Variants in NKAIN3 observed in about 807,000 individuals in gnomAD.
The protein encoded by NKAIN3 is sodium/potassium-transporting ATPase subunit beta-1-interacting protein 3.
Under a neutral mutation model 30.2 loss-of-function variants are expected in NKAIN3, and 25 were observed. That is an observed-to-expected ratio of 0.83 (90% CI 0.60 to 1.16). NKAIN3 has a LOEUF of 1.16. Ranked by LOEUF, NKAIN3 falls within the 50% of genes most tolerant of loss-of-function variation. NKAIN3 has a pLI of 0.00. For synonymous variants in NKAIN3, 91 were observed against 89.6 expected, an observed-to-expected ratio of 1.02 and a Z score of -0.09; for missense variants, 225 against 254.1, an observed-to-expected ratio of 0.89 and a Z score of 0.78.
intron 1 of NKAIN3, among the ~76,000 whole-genome samples, chr8:62,489,110 G>GCCTCA (rs1284153218): frequency 1.3e-4 from 20 of 151,880 alleles, no homozygotes; most frequent in Non-Finnish European, 2.6e-4. Flanking sequence ...CCTGCCTCCT[G>GCCTCA]GGTTCATGCC....
chr8:62,888,828 A>G (rs1350054), intron 4 of NKAIN3, among the ~76,000 whole-genome samples: 18,166 of 152,208 alleles, frequency 0.12, 1,327 homozygotes, highest in East Asian at 0.27. Context: ...TTCTTAGCTT[A>G]TATCAGTCTT....
chr8:62,733,599 C>T (rs1015031747), intron 3 of NKAIN3, among the ~76,000 whole-genome samples: 2 of 152,024 alleles, frequency 1.3e-5, no homozygotes, highest in African/African-American at 4.8e-5. Context: ...TATTATTTTA[C>T]TGTAGTGCTC....
rs1823690528 is a variant in NKAIN3, at chr8:62,965,630, A to AAG, written c.*224_*225insGA. The AAG allele has an allele frequency of 1.0e-6, 1 of 977,514 alleles. No individual in the cohort carries two copies. The highest frequency in any genetic ancestry group is 1.2e-6 in the Non-Finnish European group (1 of 823,350). The allele number at this position is 977,514 out of a possible 1,614,324, so 60.6% of individuals were successfully genotyped here. A position where few individuals can be genotyped will look rare whatever the true frequency, so the allele number is the denominator to read the frequency against. On this transcript the variant is annotated 3_prime_UTR_variant, in exon 7 of 7. Coordinates refer to ENST00000623646, the MANE Select transcript of NKAIN3 (RefSeq NM_001304533.3). ...AACACTTGTAAGTTGTAAAAAAAAA[A>AAG]AAAAAAGAAAAAACAGAATTTGGTT... is the stretch of plus-strand genomic sequence containing the variant.
intron 5 of NKAIN3, among the ~76,000 whole-genome samples, chr8:62,996,606 G>C (rs917760665): frequency 6.6e-6 from 1 of 151,972 alleles, no homozygotes; most frequent in East Asian, 1.9e-4. Flanking sequence ...TCTGAGACAA[G>C]GTATGTCCCT....
intron 4 of NKAIN3, among the ~76,000 whole-genome samples, chr8:62,852,454 T>G (rs1267329637): frequency 6.6e-6 from 1 of 152,206 alleles, no homozygotes; most frequent in Non-Finnish European, 1.5e-5. Flanking sequence ...TCTATTTCCT[T>G]CAGTTCTGCT....
In NKAIN3 at chr8:62,589,915, GTA is replaced by G. The variant is rs1366554686; in HGVS notation, c.273+124_273+125del. 2.3e-5 allele frequency: 9 copies of G among 398,804 alleles called. No homozygotes were observed. In the South Asian group the frequency reaches 2.9e-4, roughly 13 times the overall value. 24.7% of individuals were successfully genotyped at this position (398,804 alleles called of 1,614,324 possible). ...TGTGTGTGTGTGTGTGTGTGTGTGTGTATAGAATGATAAAATACTATTCAAAG... is the reference window on the plus strand; with the variant it reads ...TGTGTGTGTGTGTGTGTGTGTGTGTGTAGAATGATAAAATACTATTCAAAG... On this transcript the variant is annotated intron_variant, in intron 3 of 6. Coordinates refer to ENST00000623646, the MANE Select transcript of NKAIN3 (RefSeq NM_001304533.3).
chr8:62,282,217 A>G (rs1813223307), intron 1 of NKAIN3, among the ~76,000 whole-genome samples: 1 of 152,120 alleles, frequency 6.6e-6, no homozygotes, highest in Non-Finnish European at 1.5e-5. Context: ...ACAAGTCTTG[A>G]GATGGTTATC....
intron 4 of NKAIN3, chr8:62,856,618 A>C (rs1212503168): frequency 5.2e-6 from 4 of 775,874 alleles, no homozygotes; most frequent in Admixed American, 3.4e-5. Context: ...CTCATCATGA[A>C]CTGGACATCA....
At chr8:62,810,329 T>G (rs974189988) in intron 4 of NKAIN3, among the ~76,000 whole-genome samples, 5 of 152,120 alleles carry the variant, frequency 3.3e-5, no homozygotes, top group African/African-American at 1.2e-4. Flanking sequence ...CCAGCAAGTC[T>G]AAGGGGATGT....
At chr8:62,872,279 A>G (rs759757428) in intron 4 of NKAIN3, among the ~76,000 whole-genome samples, 1 of 152,252 alleles carries the variant, frequency 6.6e-6, no homozygotes, top group Non-Finnish European at 1.5e-5. Flanking sequence ...GCATGACTAG[A>G]GCATATTTGT....
chr8:62,565,176 A>C (rs1809711266), intron 1 of NKAIN3, among the ~76,000 whole-genome samples: 1 of 152,078 alleles, frequency 6.6e-6, no homozygotes, highest in African/African-American at 2.4e-5. Context: ...TTTTATGGGC[A>C]TGTAGTATTT....
At chr8:62,918,613 G>A in intron 5 of NKAIN3, 100 bp downstream of exon 5, 2 of 831,542 alleles carry the variant, frequency 2.4e-6, no homozygotes, top group Non-Finnish European at 3.9e-6. Flanking sequence ...TTTTATATTT[G>A]GAGTCTAAAA....
At chr8:62,571,350 T>C (rs1429280840) in intron 1 of NKAIN3, among the ~76,000 whole-genome samples, 1 of 151,686 alleles carries the variant, frequency 6.6e-6, no homozygotes, top group Non-Finnish European at 1.5e-5. Flanking sequence ...TGGCCAGTCA[T>C]GAGGTTGGTT....
chr8:62,834,250 C>T (rs1819288549), intron 4 of NKAIN3, among the ~76,000 whole-genome samples: 1 of 151,960 alleles, frequency 6.6e-6, no homozygotes, highest in South Asian at 2.1e-4. Context: ...GAAGCATGCC[C>T]CTTAAGAACA....
intron 3 of NKAIN3, among the ~76,000 whole-genome samples, chr8:62,746,137 C>T (rs940445937): frequency 1.3e-5 from 2 of 152,212 alleles, no homozygotes; most frequent in African/African-American, 4.8e-5. Flanking sequence ...CTCTCTGAAG[C>T]TTTAGAGGAG....
In NKAIN3 at chr8:62,459,453, G is replaced by GTGCC. The variant is rs547335226; in HGVS notation, c.55-120082_55-120079dup. Among the ~76,000 whole-genome samples the GTGCC allele has an allele frequency of 1.3e-4, 20 of 152,322 alleles. No homozygotes were observed. The East Asian group carries it at 3.9e-3, about 29-fold the overall frequency. On this transcript the variant is annotated intron_variant, in intron 1 of 6. Coordinates refer to ENST00000623646, the MANE Select transcript of NKAIN3 (RefSeq NM_001304533.3). ...CACATACTCAGTACATGTCTATGGA[G>GTGCC]TGCCTGCTACTTTCTAGGCTCTATT...
chr8:62,434,526 C>T (rs965109422), intron 1 of NKAIN3, among the ~76,000 whole-genome samples: 2 of 152,054 alleles, frequency 1.3e-5, no homozygotes, highest in African/African-American at 4.8e-5. Flanking sequence ...TGTAAGGAAC[C>T]CAATAATGTA....
At chr8:62,377,136 G>A (rs547950940) in intron 1 of NKAIN3, among the ~76,000 whole-genome samples, 8 of 151,946 alleles carry the variant, frequency 5.3e-5, no homozygotes, top group Non-Finnish European at 8.8e-5. Flanking sequence ...TGCCTAATTC[G>A]CATTTAATTA....
intron 1 of NKAIN3, among the ~76,000 whole-genome samples, chr8:62,438,525 C>T (rs542181263): frequency 6.6e-6 from 1 of 152,208 alleles, no homozygotes; most frequent in East Asian, 1.9e-4. Context: ...GGCTCCCACT[C>T]GTAAGGGACA....
Sources: allele counts gnomAD v4.1 joint callset (sites outside exome capture counted in the v4.1 genomes callset), GRCh38; gene constraint gnomAD v4.1.1; transcripts MANE v1.5; gene names NCBI Gene and HGNC (gene_info 2026-07-23, HGNC 2026-07-21).